The following ZNF763 variants were observed in gnomAD, a reference collection of about 807,000 sequenced individuals.
The protein encoded by ZNF763 is DNA-binding protein.
Under a neutral mutation model 38.0 loss-of-function variants are expected in ZNF763, and 33 were observed. The ratio of observed to expected loss-of-function variants is 0.87; its 90% CI spans 0.66 to 1.16. ZNF763 has a LOEUF of 1.16. Among genes scored for constraint, ZNF763 ranks in the 50% most tolerant of loss-of-function variants. ZNF763 has a pLI of 0.00. For missense variants in ZNF763, 423 were observed against 469.1 expected, an observed-to-expected ratio of 0.90 and a Z score of 0.91; for synonymous variants, 155 against 160.1, an observed-to-expected ratio of 0.97 and a Z score of 0.24.
intron 1 of ZNF763, among the ~76,000 whole-genome samples, chr19:11,970,995 G>T (rs1198393338): frequency 1.3e-5 from 2 of 152,006 alleles, no homozygotes; most frequent in African/African-American, 4.8e-5. Context: ...TTTTCCATTG[G>T]TCTGTCCTTC....
In ZNF763 at chr19:11,974,088, T is replaced by A. The variant is rs1302152562; in HGVS notation, c.4-2950T>A. On this transcript the variant is annotated intron_variant, in intron 1 of 3. Coordinates refer to ENST00000358987, the MANE Select transcript of ZNF763 (RefSeq NM_001367172.2). ...TCTTTCTTTTCTTTCTTTCTTTCTT[T>A]CTTTCTTTCTTTCTTTCTTTCTTTC... 4.3e-4 allele frequency among the ~76,000 whole-genome samples: 37 copies of A among 85,878 alleles called. 1 individual carries two copies. Among genetic ancestry groups the A allele is most frequent in the African/African-American group, 1.7e-3 (32 of 18,756 alleles). The allele number at this position is 85,878 out of a possible 152,430, so 56.3% of individuals were successfully genotyped here. A position where few individuals can be genotyped will look rare whatever the true frequency, so the allele number is the denominator to read the frequency against.
At chr19:11,974,069 T>TTTC (rs1973407496) in intron 1 of ZNF763, among the ~76,000 whole-genome samples, 7 of 114,844 alleles carry the variant, frequency 6.1e-5, no homozygotes, top group East Asian at 2.6e-4. Context: ...TCCTTCTTTC[T>TTTC]TTTCTTTCTT....
intron 3 of ZNF763, 76 bp from the exon 4 acceptor site, chr19:11,978,039 TA>T: frequency 1.3e-6 from 2 of 1,546,458 alleles, no homozygotes; most frequent in South Asian, 1.2e-5. Context: ...TGGACCATGT[TA>T]AAAATGCAAG....
chr19:11,976,309 G>A (rs56221912), intron 1 of ZNF763, among the ~76,000 whole-genome samples: 1 of 151,540 alleles, frequency 6.6e-6, no homozygotes, highest in Admixed American at 6.6e-5. Context: ...AGCCCAGGCA[G>A]CTCCCTTTTC....
At chr19:11,973,305 A>C (rs1973388177) in intron 1 of ZNF763, among the ~76,000 whole-genome samples, 1 of 152,170 alleles carries the variant, frequency 6.6e-6, no homozygotes, top group Admixed American at 6.5e-5. Context: ...GTAAGTGGCC[A>C]TTTCAGACTT....
chr19:11,974,097 CTTT>C (rs773998137), intron 1 of ZNF763, among the ~76,000 whole-genome samples: 1 of 92,526 alleles, frequency 1.1e-5, no homozygotes, highest in Non-Finnish European at 2.1e-5. Flanking sequence ...TTCTTTCTTT[CTTT>C]CTTTCTTTCT....
At chr19:11,965,244 G>A in intron 1 of ZNF763, 33 bp downstream of exon 1, 1 of 1,613,754 alleles carries the variant, frequency 6.2e-7, no homozygotes, top group Non-Finnish European at 8.5e-7. Flanking sequence ...CCCGAGACGG[G>A]GTAGAGGCTG....
In ZNF763 at chr19:11,979,233, C is replaced by T; in HGVS notation, c.*124C>T. ...GTAAAGCCTTCAATCTTTCCAGTTC[C>T]TTTCAGTATCATGAAAGGACTCACA... is the stretch of plus-strand genomic sequence containing the variant. On this transcript the variant is annotated 3_prime_UTR_variant, in exon 4 of 4. Transcript: ENST00000358987. 2 of 1,612,292 alleles carry T rather than the reference C, an allele frequency of 1.2e-6. No homozygotes were observed. Among genetic ancestry groups the T allele is most frequent in the Middle Eastern group, 1.7e-4 (1 of 6,044 alleles).
chr19:11,974,069 T>TTTTCTTTCTTTCTTTTCTTTCTTTC (rs1973407836), intron 1 of ZNF763, among the ~76,000 whole-genome samples: 1 of 114,776 alleles, frequency 8.7e-6, no homozygotes, highest in African/African-American at 3.2e-5. Context: ...TCCTTCTTTC[T>TTTTCTTTCTTTCTTTTCTTTCTTTC]TTTCTTTCTT....
intron 3 of ZNF763, 63 bp from the exon 4 acceptor site, chr19:11,978,053 C>T (rs1362059418): frequency 4.5e-6 from 7 of 1,567,228 alleles, no homozygotes; most frequent in Middle Eastern, 1.7e-4. Context: ...AATGCAAGTG[C>T]AATACTTGAT....
At position 11,979,010 on chromosome 19, in the gene ZNF763, C is replaced by T. The variant is rs149371993; in HGVS notation, c.1086C>T (p.His362=). The change falls in exon 4 of 4, where the codon CAC becomes CAT. Residue 362 remains histidine, a synonymous_variant. Coordinates refer to ENST00000358987, the MANE Select transcript of ZNF763 (RefSeq NM_001367172.2). ...PSSLRRHERT[H]SAKKPYECKQ... ...CCCTTCGTAGACATGAAAGGACCCA[C>T]TCTGCGAAAAAACCTTATGAATGTA... 11 of 1,614,082 alleles carry T rather than the reference C, an allele frequency of 6.8e-6. No individual in the cohort carries two copies. The South Asian group carries it at 1.2e-4, about 18-fold the overall frequency.
intron 1 of ZNF763, among the ~76,000 whole-genome samples, chr19:11,965,576 C>T (rs1973209990): frequency 1.3e-5 from 2 of 151,782 alleles, no homozygotes; most frequent in Admixed American, 6.5e-5. Context: ...GTCTGTGGGG[C>T]CCCCAGTTCC....
chr19:11,965,272 C>T, intron 1 of ZNF763, 61 bp downstream of exon 1: 1 of 1,610,740 alleles, frequency 6.2e-7, no homozygotes, highest in Non-Finnish European at 8.5e-7. Context: ...CCGGCCGGAA[C>T]CGGCTGCGGC....
chr19:11,965,068 G>C lies in ZNF763; in HGVS notation c.-141G>C. ...TCCTCACCTTTGTCCTTGCGCAGCC[G>C]GTGGTTGATATCCGCTGTATCCATC... On this transcript the variant is annotated 5_prime_UTR_variant, in exon 1 of 4. Transcript: ENST00000358987. 2 of 1,059,642 alleles carry C rather than the reference G, an allele frequency of 1.9e-6. No homozygotes were observed. Among genetic ancestry groups the C allele is most frequent in the Non-Finnish European group, 1.4e-6 (1 of 702,510 alleles). 65.6% of individuals were successfully genotyped at this position (1,059,642 alleles called of 1,614,324 possible). A position where few individuals can be genotyped will look rare whatever the true frequency, so the allele number is the denominator to read the frequency against.
chr19:11,969,525 C>G (rs982686267), intron 1 of ZNF763, among the ~76,000 whole-genome samples: 4 of 152,186 alleles, frequency 2.6e-5, no homozygotes, highest in Non-Finnish European at 5.9e-5. Flanking sequence ...TAGTAATTTT[C>G]ACGAGTTGTA....
At position 11,965,158 on chromosome 19, in the gene ZNF763, T is replaced by C. The variant is rs886665845; in HGVS notation, c.-51T>C. 5 of 1,613,398 alleles carry C rather than the reference T, an allele frequency of 3.1e-6. No individual in the cohort carries two copies. The highest frequency in any genetic ancestry group is 1.7e-4 in the Middle Eastern group (1 of 6,008). On this transcript the variant is annotated 5_prime_UTR_variant, in exon 1 of 4. Transcript: ENST00000358987. Reference sequence around the variant, plus strand: ...CTCTGTCTCCTGCGCTGTGCCCTTCTGTAGTCACAGGAGCTGTAGAGAGGA... The same window carrying C: ...CTCTGTCTCCTGCGCTGTGCCCTTCCGTAGTCACAGGAGCTGTAGAGAGGA...
In ZNF763 at chr19:11,978,701, G is replaced by A; in HGVS notation, c.777G>A (p.Gln259=). ...THTGEKPYEC[Q]QCGKAFHSSS... is the part of the protein sequence containing the mutation. The stretch of plus-strand genomic sequence containing the variant: ...CTGGAGAAAAGCCTTATGAATGTCA[G>A]CAATGTGGGAAAGCATTCCATAGTT... The change falls in exon 4 of 4, where the codon CAG becomes CAA. Residue 259 remains glutamine (Q), a synonymous_variant. Coordinates refer to ENST00000358987, the MANE Select transcript of ZNF763 (RefSeq NM_001367172.2). 3 of 1,614,104 alleles carry A rather than the reference G, an allele frequency of 1.9e-6. No homozygotes were observed. The highest frequency in any genetic ancestry group is 2.5e-6 in the Non-Finnish European group (3 of 1,179,990).
At chr19:11,974,072 T>C (rs1229187294) in intron 1 of ZNF763, among the ~76,000 whole-genome samples, 4 of 61,510 alleles carry the variant, frequency 6.5e-5, no homozygotes, top group African/African-American at 2.3e-4. Context: ...TTCTTTCTTT[T>C]CTTTCTTTCT....
chr19:11,965,700 T>G (rs904476922), intron 1 of ZNF763, among the ~76,000 whole-genome samples: 2 of 152,160 alleles, frequency 1.3e-5, no homozygotes, highest in African/African-American at 4.8e-5. Flanking sequence ...GTTTGTCAAC[T>G]GAAAAAGCCA....
Sources: allele counts gnomAD v4.1 joint callset (sites outside exome capture counted in the v4.1 genomes callset), GRCh38; gene constraint gnomAD v4.1.1; transcripts MANE v1.5; gene names NCBI Gene and HGNC (gene_info 2026-07-23, HGNC 2026-07-21).